Variants in NBAS observed in about 807,000 individuals in gnomAD.
NBAS encodes NAG/BC035112 fusion.
Under a neutral mutation model 302.5 loss-of-function variants are expected in NBAS, and 219 were observed. The ratio of observed to expected loss-of-function variants is 0.72; its 90% CI spans 0.65 to 0.81. The LOEUF (loss-of-function observed/expected upper bound fraction) is 0.81. Among genes scored for constraint, NBAS ranks in the 30% least tolerant of loss-of-function variants. The pLI is 0.00. For synonymous variants in NBAS, 1,118 were observed against 1,021.6 expected (o/e 1.09, Z -1.80); for missense variants, 2,932 against 2,841.6 (o/e 1.03, Z -0.72).
At chr2:15,280,448 G>T (rs1669773708) in intron 42 of NBAS, among the ~76,000 whole-genome samples, 1 of 151,988 alleles carries the variant, frequency 6.6e-6, no homozygotes, top group Admixed American at 6.6e-5. Flanking sequence ...AAGTGAAAAT[G>T]TACACATAAC....
chr2:14,832,945 T>C, the NBAS span, among the ~76,000 whole-genome samples: 1 of 152,168 alleles, frequency 6.6e-6, no homozygotes, highest in Non-Finnish European at 1.5e-5. Context: ...TGGATAGTTA[T>C]GACTCCCATG....
the NBAS span, among the ~76,000 whole-genome samples, chr2:15,064,302 C>CA: frequency 0.052 from 6,803 of 130,950 alleles, 271 homozygotes; most frequent in African/African-American, 0.12. Context: ...AGAAAAGACT[C>CA]AAAAAAAAAA....
At chr2:14,842,938 T>C in the NBAS span, among the ~76,000 whole-genome samples, 4 of 150,194 alleles carry the variant, frequency 2.7e-5, no homozygotes, top group African/African-American at 9.8e-5. Flanking sequence ...AAACTCAAAC[T>C]CAACAACCCA....
intron 51 of NBAS, among the ~76,000 whole-genome samples, chr2:15,171,831 A>G (rs1664308473): frequency 6.6e-6 from 1 of 152,228 alleles, no homozygotes; most frequent in Non-Finnish European, 1.5e-5. Flanking sequence ...ACACAAAGCA[A>G]GGGTCAGCCA....
the NBAS span, among the ~76,000 whole-genome samples, chr2:14,844,849 C>A: frequency 6.6e-6 from 1 of 152,008 alleles, no homozygotes; most frequent in Non-Finnish European, 1.5e-5. Flanking sequence ...GTGGGAAAGA[C>A]CCCATCTCAT....
At chr2:15,104,457 G>A in the NBAS span, among the ~76,000 whole-genome samples, 1 of 151,534 alleles carries the variant, frequency 6.6e-6, no homozygotes, top group Non-Finnish European at 1.5e-5. Flanking sequence ...GACAGTCTTT[G>A]CCTTCCAGGA....
chr2:15,171,502 T>C (rs995487810), intron 51 of NBAS, among the ~76,000 whole-genome samples: 1 of 152,262 alleles, frequency 6.6e-6, no homozygotes, highest in Non-Finnish European at 1.5e-5. Context: ...TATAAGTTAT[T>C]TGACTTCTAT....
intron 44 of NBAS, among the ~76,000 whole-genome samples, chr2:15,244,939 T>C (rs1668023831): frequency 6.6e-6 from 1 of 152,070 alleles, no homozygotes; most frequent in Admixed American, 6.6e-5. Flanking sequence ...CATGTATCAC[T>C]CTGGCTAAGG....
chr2:15,475,521 T>C (rs1340723814), intron 14 of NBAS, among the ~76,000 whole-genome samples, 166 bp downstream of exon 14: 4 of 152,212 alleles, frequency 2.6e-5, no homozygotes, highest in Admixed American at 1.3e-4. Context: ...TGCAAATTTT[T>C]TTATTCACTA....
chr2:15,469,682 G>A (rs12692270), intron 16 of NBAS, among the ~76,000 whole-genome samples: 2 of 151,966 alleles, frequency 1.3e-5, no homozygotes, highest in East Asian at 3.9e-4. Context: ...TTCACATCCT[G>A]TATAGGGACA....
At chr2:15,181,444 ATCC>A (rs1664814775) in intron 50 of NBAS, among the ~76,000 whole-genome samples, 1 of 152,196 alleles carries the variant, frequency 6.6e-6, no homozygotes, top group Admixed American at 6.5e-5. Context: ...TAAGTGCTAA[ATCC>A]TCTACTATGT....
intron 21 of NBAS, among the ~76,000 whole-genome samples, chr2:15,455,763 T>C (rs1419187995): frequency 1.3e-5 from 2 of 150,242 alleles, no homozygotes; most frequent in Non-Finnish European, 3.0e-5. Context: ...GGCAACTAGA[T>C]AGTCAATGCT....
chr2:15,441,355 C>T (rs1394749555), intron 21 of NBAS, among the ~76,000 whole-genome samples: 1 of 152,182 alleles, frequency 6.6e-6, no homozygotes, highest in African/African-American at 2.4e-5. Context: ...CAATATTCAA[C>T]ATTCTTAAAG....
In NBAS at chr2:15,353,814, C is replaced by A. The variant is rs1395533428; in HGVS notation, c.3932-104G>T. On this transcript the variant is annotated intron_variant, in intron 33 of 51. Transcript: ENST00000281513. Reference sequence around the variant, plus strand: ...CTGCTCAGGTCTTGTGGTACCAAAGCAAAATCATAGTCATTAGTGACACAT... The same window carrying A: ...CTGCTCAGGTCTTGTGGTACCAAAGAAAAATCATAGTCATTAGTGACACAT... 3.7e-6 allele frequency: 5 copies of A among 1,367,504 alleles called. No homozygotes were observed. In the East Asian group the frequency reaches 1.2e-4, roughly 31 times the overall value. The allele number at this position is 1,367,504 out of a possible 1,614,324, so 84.7% of individuals were successfully genotyped here.
chr2:14,784,294 T>C, the NBAS span, among the ~76,000 whole-genome samples: 1 of 152,236 alleles, frequency 6.6e-6, no homozygotes, highest in Admixed American at 6.5e-5. Flanking sequence ...GGTAGTTTCT[T>C]TTGCTGTGCA....
At chr2:15,055,683 A>G in the NBAS span, among the ~76,000 whole-genome samples, 3 of 152,178 alleles carry the variant, frequency 2.0e-5, no homozygotes, top group South Asian at 2.1e-4. Context: ...TGCACGGTCT[A>G]TGGCAAGGAT....
intron 9 of NBAS, among the ~76,000 whole-genome samples, chr2:15,533,570 CTA>C (rs1208343047): frequency 1.3e-5 from 2 of 151,868 alleles, no homozygotes; most frequent in Non-Finnish European, 2.9e-5. Context: ...AGTGATAAAA[CTA>C]TAAAGAAAGC....
At chr2:15,033,177 G>T in the NBAS span, among the ~76,000 whole-genome samples, 4 of 152,340 alleles carry the variant, frequency 2.6e-5, no homozygotes, top group South Asian at 6.2e-4. Flanking sequence ...AAGGTTTAGT[G>T]CTGTTTGCCC....
At chr2:15,203,328 T>C (rs1665970945) in intron 48 of NBAS, among the ~76,000 whole-genome samples, 1 of 152,222 alleles carries the variant, frequency 6.6e-6, no homozygotes, top group Non-Finnish European at 1.5e-5. Flanking sequence ...AGATCACCTA[T>C]GTTACAGGGC....
Sources: gnomAD v4.1 joint callset for allele counts (sites outside exome capture counted in the v4.1 genomes callset) on GRCh38, gnomAD v4.1.1 for gene constraint, MANE v1.5 for transcripts, NCBI Gene and HGNC (gene_info 2026-07-23, HGNC 2026-07-21) for gene names.